The following HERC4 variants were observed in gnomAD, a reference collection of about 807,000 sequenced individuals.
HERC4 encodes the protein HECT and RLD domain containing E3 ubiquitin protein ligase 4.
In HERC4, 28 loss-of-function variants were observed where a neutral mutation model predicts 124.3. That is an observed-to-expected ratio of 0.23 (90% CI 0.17 to 0.31). The LOEUF is 0.31. Ranked by LOEUF, HERC4 falls within the 10% of genes least tolerant of loss-of-function variation. The probability of loss-of-function intolerance (pLI) is 1.00; values close to 1 mark genes in which losing one functional copy is unlikely to be tolerated. For missense variants in HERC4, 713 were observed against 1,229.3 expected, an observed-to-expected ratio of 0.58 and a Z score of 6.28; for synonymous variants, 407 against 421.5, an observed-to-expected ratio of 0.97 and a Z score of 0.42.
chr10:68,053,178 C>T lies in HERC4; in HGVS notation c.227-8615G>A, dbSNP rs532769655. On this transcript the variant is annotated intron_variant, in intron 3 of 24. Coordinates refer to ENST00000373700, the MANE Select transcript of HERC4 (RefSeq NM_015601.4). ...TTAGCAAATATTGAATCATTGCCCC[C>T]GAAGAAAATACAAGGTAAGGTTCCT... 8.5e-5 allele frequency among the ~76,000 whole-genome samples: 13 copies of T among 152,160 alleles called. No homozygotes were observed. The South Asian group carries it at 1.0e-3, about 12-fold the overall frequency.
At chr10:68,037,737 G>A (rs2039551775) in intron 5 of HERC4, among the ~76,000 whole-genome samples, 1 of 152,022 alleles carries the variant, frequency 6.6e-6, no homozygotes, top group African/African-American at 2.4e-5. Flanking sequence ...TCTAATCGAA[G>A]GTGTATAAGA....
intron 9 of HERC4, chr10:68,010,184 T>G: frequency 9.5e-7 from 1 of 1,053,356 alleles, no homozygotes; most frequent in Non-Finnish European, 1.4e-6. Context: ...CTGTATCCCA[T>G]TCCTAGAAGG....
intron 19 of HERC4, among the ~76,000 whole-genome samples, chr10:67,953,117 G>A (rs2033916231): frequency 6.6e-6 from 1 of 152,016 alleles, no homozygotes; most frequent in Admixed American, 6.6e-5. Context: ...ATAGGAAGAG[G>A]GGGAAAACAA....
chr10:67,996,175 C>T (rs540903958), intron 9 of HERC4: 462 of 445,648 alleles, frequency 1.0e-3, no homozygotes, highest in Non-Finnish European at 1.7e-3. Flanking sequence ...AGCGTGGTGG[C>T]GCATGCCTGT....
chr10:67,954,863 A>T (rs991537439), intron 18 of HERC4, 100 bp downstream of exon 18: 2 of 1,231,820 alleles, frequency 1.6e-6, no homozygotes, highest in Admixed American at 3.1e-5. Flanking sequence ...ATATAATTTT[A>T]TTTATTAAGT....
chr10:67,981,854 T>C (rs2035950147), intron 15 of HERC4, among the ~76,000 whole-genome samples: 1 of 151,998 alleles, frequency 6.6e-6, no homozygotes, highest in South Asian at 2.1e-4. Flanking sequence ...GACATGAGAA[T>C]CACTTGAATC....
rs556901980 is a variant in HERC4, at chr10:68,017,622, G to A, written c.909-3436C>T. On this transcript the variant is annotated intron_variant, in intron 8 of 24. Coordinates refer to ENST00000373700, the MANE Select transcript of HERC4 (RefSeq NM_015601.4). ...TCTCATCAGCCTCCCCAGAAGCTGGGATTACAGGTGCATGCCACCACACCT... is the reference window on the plus strand; with the variant it reads ...TCTCATCAGCCTCCCCAGAAGCTGGAATTACAGGTGCATGCCACCACACCT... Among the ~76,000 whole-genome samples the A allele has an allele frequency of 6.6e-5, 10 of 152,276 alleles. No individual in the cohort carries two copies. The East Asian group carries it at 1.5e-3, about 23-fold the overall frequency.
intron 15 of HERC4, among the ~76,000 whole-genome samples, chr10:67,973,780 A>G (rs2035395267): frequency 6.6e-6 from 1 of 152,140 alleles, no homozygotes; most frequent in African/African-American, 2.4e-5. Context: ...TAGGTTGGGC[A>G]CGGTGGCTCA....
intron 3 of HERC4, chr10:68,070,634 T>A (rs1040315323): frequency 2.6e-5 from 4 of 151,110 alleles, no homozygotes; most frequent in African/African-American, 7.3e-5. Flanking sequence ...TAAAAATAAA[T>A]AAATAAATAA....
chr10:67,985,073 C>T lies in HERC4; in HGVS notation c.1806+3590G>A, dbSNP rs563077441. Among the ~76,000 whole-genome samples, 8 of 152,208 alleles carry T rather than the reference C, an allele frequency of 5.3e-5. No individual in the cohort carries two copies. The East Asian group carries it at 7.7e-4, about 15-fold the overall frequency. On this transcript the variant is annotated intron_variant, in intron 15 of 24. Transcript: ENST00000373700. ...AATGTTAGAATAAAAATAATATATT[C>T]GCATAGTAGATAAGGTTCAATCAGC...
chr10:68,035,245 C>T (rs140094494), intron 5 of HERC4, among the ~76,000 whole-genome samples: 279 of 151,946 alleles, frequency 1.8e-3, no homozygotes, highest in African/African-American at 6.5e-3. Context: ...CTCCATCTCC[C>T]GGGTTCAAGT....
intron 15 of HERC4, among the ~76,000 whole-genome samples, chr10:67,970,940 G>C (rs1016615115): frequency 1.2e-4 from 18 of 151,778 alleles, no homozygotes; most frequent in Non-Finnish European, 1.5e-4. Flanking sequence ...AAAAACACTA[G>C]AGAAGAAATT....
In HERC4 at chr10:68,040,197, CAGTT is replaced by C. The variant is rs1409259344; in HGVS notation, c.387-2032_387-2029del. ...CTAAATTTGCATAGCAATTTATACTCAGTTACTCTCCTTTCCAAAATACTAACCT... is the reference window on the plus strand; with the variant it reads ...CTAAATTTGCATAGCAATTTATACTCACTCTCCTTTCCAAAATACTAACCT... On this transcript the variant is annotated intron_variant, in intron 4 of 24. Coordinates refer to ENST00000373700, the MANE Select transcript of HERC4 (RefSeq NM_015601.4). 8 of 981,944 alleles carry C rather than the reference CAGTT, an allele frequency of 8.1e-6. No homozygotes were observed. The African/African-American group carries it at 1.4e-4, about 17-fold the overall frequency. 60.8% of individuals were successfully genotyped at this position (981,944 alleles called of 1,614,324 possible). A position where few individuals can be genotyped will look rare whatever the true frequency, so the allele number is the denominator to read the frequency against.
chr10:68,016,597 C>G (rs551337629), intron 8 of HERC4, among the ~76,000 whole-genome samples: 2 of 152,078 alleles, frequency 1.3e-5, no homozygotes, highest in Non-Finnish European at 2.9e-5. Flanking sequence ...GTGATCTGCC[C>G]GCCCTGGCCT....
At chr10:67,959,387 G>A (rs559602419) in intron 16 of HERC4, among the ~76,000 whole-genome samples, 24 of 151,942 alleles carry the variant, frequency 1.6e-4, no homozygotes, top group African/African-American at 5.5e-4. Flanking sequence ...AATGAAATTT[G>A]TTTTCAGCAA....
intron 16 of HERC4, chr10:67,959,221 T>C (rs2132350548): frequency 7.9e-7 from 1 of 1,264,332 alleles, no homozygotes; most frequent in African/African-American, 1.5e-5. Flanking sequence ...CAAGGTAGCA[T>C]TTCATATATT....
intron 11 of HERC4, among the ~76,000 whole-genome samples, chr10:67,991,534 T>C (rs1026674496): frequency 2.6e-5 from 4 of 152,204 alleles, no homozygotes; most frequent in African/African-American, 7.2e-5. Context: ...ACATTTTATA[T>C]TGGCAGTGAG....
chr10:68,006,416 G>A (rs964226851), intron 9 of HERC4, among the ~76,000 whole-genome samples: 10 of 150,578 alleles, frequency 6.6e-5, no homozygotes, highest in African/African-American at 2.4e-4. Flanking sequence ...TTGCTGTCCG[G>A]GCTGGAGTGC....
At chr10:67,982,944 A>G (rs1269482393) in intron 15 of HERC4, among the ~76,000 whole-genome samples, 1 of 152,104 alleles carries the variant, frequency 6.6e-6, no homozygotes, top group Non-Finnish European at 1.5e-5. Flanking sequence ...CCTGGGCAAC[A>G]CGGTGAAACC....
Sources: gnomAD v4.1 joint callset for allele counts (sites outside exome capture counted in the v4.1 genomes callset) on GRCh38, gnomAD v4.1.1 for gene constraint, MANE v1.5 for transcripts, NCBI Gene and HGNC (gene_info 2026-07-23, HGNC 2026-07-21) for gene names.